Variants in SNTG1 observed in about 807,000 individuals in gnomAD.
SNTG1 encodes the protein syntrophin gamma 1.
In SNTG1, 39 loss-of-function variants were observed where a neutral mutation model predicts 74.7. The ratio of observed to expected loss-of-function variants is 0.52; its 90% CI spans 0.40 to 0.68. The LOEUF (loss-of-function observed/expected upper bound fraction) is 0.68. SNTG1 is among the 30% of genes least tolerant of loss of function. The pLI, the probability that SNTG1 is intolerant of heterozygous loss-of-function variation, is 0.00. For missense variants in SNTG1, 685 were observed against 609.5 expected, an observed-to-expected ratio of 1.12 and a Z score of -1.30; for synonymous variants, 254 against 217.1, an observed-to-expected ratio of 1.17 and a Z score of -1.49.
chr8:50,340,538 C>T (rs2091287541), intron 2 of SNTG1, among the ~76,000 whole-genome samples: 1 of 151,916 alleles, frequency 6.6e-6, no homozygotes, highest in Admixed American at 6.6e-5. Flanking sequence ...AATATAAATA[C>T]ATTTCTTACA....
At chr8:50,426,064 G>A (rs914094945) in intron 4 of SNTG1, among the ~76,000 whole-genome samples, 7 of 152,114 alleles carry the variant, frequency 4.6e-5, no homozygotes, top group African/African-American at 7.2e-5. Flanking sequence ...ACCACACACC[G>A]AGGCTCCCCT....
chr8:50,738,803 G>T (rs1001100021), intron 17 of SNTG1, among the ~76,000 whole-genome samples: 2 of 147,066 alleles, frequency 1.4e-5, no homozygotes, highest in Non-Finnish European at 3.0e-5. Flanking sequence ...AAAAAAAAAA[G>T]CAATGGGGAA....
chr8:50,752,138 C>T lies in SNTG1; in HGVS notation c.1395+27C>T, dbSNP rs201757476. On this transcript the variant is annotated intron_variant, in intron 18 of 18. Transcript: ENST00000642720. ...TAAACCCAAGAAATTCATCACATAA[C>T]ACCTCTAACTACATTAATGCCATTA... The T allele has an allele frequency of 8.4e-5, 110 of 1,311,504 alleles. No individual in the cohort carries two copies. The African/African-American group carries it at 1.5e-3, about 18-fold the overall frequency. The allele number at this position is 1,311,504 out of a possible 1,614,324, so 81.2% of individuals were successfully genotyped here.
rs947132611 is a variant in SNTG1, at chr8:49,973,386, G to A, written c.-103+61155G>A. ...TGTGGGGTGGGGGGAAGGGGGAGGG[G>A]TAGCATTAGAAGATATACCTAATGT... On this transcript the variant is annotated intron_variant, in intron 1 of 18. Coordinates refer to ENST00000642720, the MANE Select transcript of SNTG1 (RefSeq NM_018967.5). Among the ~76,000 whole-genome samples the A allele has an allele frequency of 5.9e-5, 9 of 151,798 alleles. 1 individual carries two copies. Among genetic ancestry groups the A allele is most frequent in the Non-Finnish European group, 1.0e-4 (7 of 67,966 alleles).
chr8:50,236,126 G>C (rs34649743), intron 2 of SNTG1, among the ~76,000 whole-genome samples: 85,915 of 151,950 alleles, frequency 0.57, 28,007 homozygotes, highest in East Asian at 0.84. Flanking sequence ...AATTTTATCT[G>C]GATGGTTTTT....
At chr8:50,009,177 C>A (rs562801873) in intron 1 of SNTG1, among the ~76,000 whole-genome samples, 61 of 152,208 alleles carry the variant, frequency 4.0e-4, no homozygotes, top group African/African-American at 1.4e-3. Flanking sequence ...TCTATATGGC[C>A]TGCATGCTAT....
At chr8:50,099,919 C>A (rs2080061731) in intron 1 of SNTG1, among the ~76,000 whole-genome samples, 1 of 151,798 alleles carries the variant, frequency 6.6e-6, no homozygotes, top group African/African-American at 2.4e-5. Context: ...ATATTTTCTC[C>A]CATTTTGTAG....
chr8:50,444,820 C>A (rs2093391511), intron 5 of SNTG1, among the ~76,000 whole-genome samples: 1 of 151,400 alleles, frequency 6.6e-6, no homozygotes, highest in African/African-American at 2.4e-5. Context: ...ATGGATTAGT[C>A]CCAAAAATGA....
At chr8:50,688,543 G>A (rs558249600) in intron 15 of SNTG1, among the ~76,000 whole-genome samples, 1 of 152,054 alleles carries the variant, frequency 6.6e-6, no homozygotes, top group Non-Finnish European at 1.5e-5. Flanking sequence ...TTTTTGTCAG[G>A]TTTGTCAAAG....
intron 8 of SNTG1, among the ~76,000 whole-genome samples, chr8:50,457,342 C>T (rs766452854): frequency 2.0e-5 from 3 of 152,112 alleles, no homozygotes; most frequent in Non-Finnish European, 4.4e-5. Flanking sequence ...ACTGGCTCAG[C>T]GATGGTCACA....
At chr8:50,647,698 C>G (rs996498961) in intron 13 of SNTG1, among the ~76,000 whole-genome samples, 4 of 152,076 alleles carry the variant, frequency 2.6e-5, no homozygotes, top group African/African-American at 9.7e-5. Flanking sequence ...GTAATACAAG[C>G]TTCACATATG....
chr8:50,455,348 C>A (rs189014671), intron 8 of SNTG1, among the ~76,000 whole-genome samples: 7 of 152,212 alleles, frequency 4.6e-5, no homozygotes, highest in Admixed American at 3.9e-4. Flanking sequence ...AAAATATGTT[C>A]ATCTGCTTTT....
At chr8:49,937,531 A>G (rs543767090) in intron 1 of SNTG1, among the ~76,000 whole-genome samples, 18 of 152,338 alleles carry the variant, frequency 1.2e-4, no homozygotes, top group African/African-American at 3.8e-4. Flanking sequence ...AAAATTCTCT[A>G]TGTAGCTCAC....
intron 13 of SNTG1, among the ~76,000 whole-genome samples, chr8:50,610,893 T>C (rs931767399): frequency 1.3e-5 from 2 of 152,298 alleles, no homozygotes; most frequent in Admixed American, 1.3e-4. Context: ...TGACTGTTTA[T>C]TTTTCAGCTT....
intron 9 of SNTG1, among the ~76,000 whole-genome samples, chr8:50,517,985 C>A (rs1183915294): frequency 6.6e-6 from 1 of 152,152 alleles, no homozygotes; most frequent in Non-Finnish European, 1.5e-5. Flanking sequence ...CTCTCCACCC[C>A]AAATCAACAG....
intron 2 of SNTG1, among the ~76,000 whole-genome samples, chr8:50,246,007 A>T (rs1424362103): frequency 1.3e-5 from 2 of 151,924 alleles, no homozygotes; most frequent in African/African-American, 4.8e-5. Context: ...TAATAGCCAG[A>T]TGAAGGCTTT....
chr8:50,587,582 T>A (rs577104821), intron 12 of SNTG1, among the ~76,000 whole-genome samples: 105 of 152,328 alleles, frequency 6.9e-4, no homozygotes, highest in African/African-American at 2.4e-3. Context: ...CCCACCATTT[T>A]GGGTGGCCGA....
intron 1 of SNTG1, among the ~76,000 whole-genome samples, chr8:50,027,156 G>C (rs899494863): frequency 1.3e-5 from 2 of 152,158 alleles, no homozygotes; most frequent in Non-Finnish European, 2.9e-5. Flanking sequence ...GGGGGTGAAA[G>C]CGGGTGCTTT....
chr8:50,020,905 G>T (rs1816758420), intron 1 of SNTG1, among the ~76,000 whole-genome samples: 1 of 152,114 alleles, frequency 6.6e-6, no homozygotes. Flanking sequence ...ATTATAAATG[G>T]ATTCTTCATC....
Sources: gnomAD v4.1 joint callset for allele counts (sites outside exome capture counted in the v4.1 genomes callset) on GRCh38, gnomAD v4.1.1 for gene constraint, MANE v1.5 for transcripts, NCBI Gene and HGNC (gene_info 2026-07-23, HGNC 2026-07-21) for gene names.